The following MEF2C variants were observed in gnomAD, a reference collection of about 807,000 sequenced individuals.
The protein encoded by MEF2C is myocyte-specific enhancer factor 2C.
Under a neutral mutation model 50.5 loss-of-function variants are expected in MEF2C, and 6 were observed. The ratio of observed to expected loss-of-function variants is 0.12; its 90% CI spans 0.07 to 0.23. MEF2C has a LOEUF of 0.23. Among genes scored for constraint, MEF2C ranks in the 10% least tolerant of loss-of-function variants. The pLI is 1.00. For missense variants in MEF2C, 276 were observed against 605.0 expected (o/e 0.46, Z 5.70); for synonymous variants, 183 against 228.0 (o/e 0.80, Z 1.78).
At chr5:88,743,376 A>T (rs1464409336) in intron 6 of MEF2C, 2 of 985,316 alleles carry the variant, frequency 2.0e-6, no homozygotes, top group Non-Finnish European at 2.4e-6. Flanking sequence ...TAAGAAAGTC[A>T]GCCAAGAAAT....
At chr5:88,725,996 ATC>A (rs1758538678) in intron 10 of MEF2C, among the ~76,000 whole-genome samples, 1 of 152,154 alleles carries the variant, frequency 6.6e-6, no homozygotes, top group South Asian at 2.1e-4. Flanking sequence ...TCTGTCAGCC[ATC>A]TCTCTCCCTA....
intron 1 of MEF2C, among the ~76,000 whole-genome samples, chr5:88,879,185 A>G (rs957642217): frequency 6.6e-6 from 1 of 151,978 alleles, no homozygotes. Context: ...GTGAAACACT[A>G]GGAGGCATCA....
At chr5:88,802,985 A>G (rs1249925070) in intron 3 of MEF2C, among the ~76,000 whole-genome samples, 1 of 152,184 alleles carries the variant, frequency 6.6e-6, no homozygotes. Flanking sequence ...TTTTGTTATA[A>G]TGGTTTTAGT....
intron 1 of MEF2C, among the ~76,000 whole-genome samples, chr5:88,848,678 T>G (rs368471709): frequency 6.6e-6 from 1 of 152,138 alleles, no homozygotes; most frequent in Non-Finnish European, 1.5e-5. Flanking sequence ...GTAAAAAAAT[T>G]GACACTCCTG....
chr5:88,798,017 G>C (rs1480147140), intron 3 of MEF2C, among the ~76,000 whole-genome samples: 1 of 152,218 alleles, frequency 6.6e-6, no homozygotes, highest in African/African-American at 2.4e-5. Flanking sequence ...GAGATCTGCT[G>C]TTAGACTGAT....
In MEF2C at chr5:88,875,186, A is replaced by C. The variant is rs866541613; in HGVS notation, c.-143+7769T>G. Among the ~76,000 whole-genome samples the C allele has an allele frequency of 5.9e-5, 9 of 152,052 alleles. No homozygotes were observed. In the South Asian group the frequency reaches 1.2e-3, roughly 21 times the overall value. On this transcript the variant is annotated intron_variant, in intron 1 of 10. Transcript: ENST00000504921. ...AGGAATATTAGTGCAGATATTTAGAAGTCAATTTATTTTGCATGGTATTAT... is the reference window on the plus strand; with the variant it reads ...AGGAATATTAGTGCAGATATTTAGACGTCAATTTATTTTGCATGGTATTAT...
At chr5:88,847,399 A>T (rs1249033073) in intron 1 of MEF2C, among the ~76,000 whole-genome samples, 1 of 152,194 alleles carries the variant, frequency 6.6e-6, no homozygotes, top group African/African-American at 2.4e-5. Flanking sequence ...CCTAGTTTTG[A>T]GATTAGCAAT....
chr5:88,843,245 G>T (rs1272391037), intron 1 of MEF2C: 14 of 647,842 alleles, frequency 2.2e-5, no homozygotes, highest in South Asian at 6.9e-5. Flanking sequence ...AAAAAAAAAA[G>T]CATTTCTATT....
intron 1 of MEF2C, among the ~76,000 whole-genome samples, chr5:88,858,433 A>G (rs1334069029): frequency 1.3e-5 from 2 of 152,256 alleles, no homozygotes; most frequent in African/African-American, 4.8e-5. Context: ...CAAGTTAATC[A>G]TGGGCCTTGG....
At chr5:88,749,807 GAT>G (rs879534959) in intron 5 of MEF2C, among the ~76,000 whole-genome samples, 4 of 152,150 alleles carry the variant, frequency 2.6e-5, no homozygotes, top group Non-Finnish European at 4.4e-5. Context: ...CAGGTGGGCG[GAT>G]CACGAGGTCA....
At chr5:88,850,098 A>G (rs910360193) in intron 1 of MEF2C, among the ~76,000 whole-genome samples, 2 of 107,620 alleles carry the variant, frequency 1.9e-5, no homozygotes, top group Non-Finnish European at 4.1e-5. Flanking sequence ...CCCCAACCCC[A>G]TAACAGGCCC....
intron 1 of MEF2C, among the ~76,000 whole-genome samples, chr5:88,849,971 A>G (rs562716562): frequency 5.3e-5 from 8 of 152,342 alleles, no homozygotes; most frequent in East Asian, 1.9e-4. Flanking sequence ...GTTTTAGGGT[A>G]CATGTGCACA....
At chr5:88,753,748 T>C (rs951017681) in intron 4 of MEF2C, among the ~76,000 whole-genome samples, 1 of 152,194 alleles carries the variant, frequency 6.6e-6, no homozygotes, top group Admixed American at 6.5e-5. Flanking sequence ...AGTAATATGG[T>C]CAGTCTTTAT....
At chr5:88,891,720 A>G (rs952904442) in intron 1 of MEF2C, among the ~76,000 whole-genome samples, 2 of 152,152 alleles carry the variant, frequency 1.3e-5, no homozygotes, top group Non-Finnish European at 2.9e-5. Flanking sequence ...CAAACAAAAC[A>G]TTATTACAAA....
At chr5:88,843,078 C>T (rs1206252838) in intron 1 of MEF2C, among the ~76,000 whole-genome samples, 4 of 152,094 alleles carry the variant, frequency 2.6e-5, no homozygotes, top group Middle Eastern at 3.4e-3. Context: ...CTACAAAAGA[C>T]GGAGTTATTT....
chr5:88,803,530 T>C (rs1381877789), intron 3 of MEF2C, among the ~76,000 whole-genome samples: 2 of 152,186 alleles, frequency 1.3e-5, no homozygotes, highest in Non-Finnish European at 2.9e-5. Flanking sequence ...CTTGAGTACA[T>C]ACTTTTGAAA....
intron 6 of MEF2C, chr5:88,737,467 G>GT: frequency 1.0e-6 from 1 of 985,382 alleles, no homozygotes; most frequent in Non-Finnish European, 1.2e-6. Flanking sequence ...AAAATGAAAA[G>GT]TTGAAGTCTC....
At chr5:88,788,178 G>GTTTATTTA (rs70996495) in intron 3 of MEF2C, among the ~76,000 whole-genome samples, 18,175 of 89,026 alleles carry the variant, frequency 0.2, 1,276 homozygotes, top group Non-Finnish European at 0.28. Flanking sequence ...TTGTTTGTTT[G>GTTTATTTA]TTTATTTATT....
intron 6 of MEF2C, among the ~76,000 whole-genome samples, chr5:88,744,356 C>A (rs918522280): frequency 7.2e-5 from 11 of 152,168 alleles, no homozygotes; most frequent in East Asian, 3.9e-4. Context: ...GAGTTTGTGA[C>A]CAGCCTGGAC....
Sources: allele counts gnomAD v4.1 joint callset (sites outside exome capture counted in the v4.1 genomes callset), GRCh38; gene constraint gnomAD v4.1.1; transcripts MANE v1.5; gene names NCBI Gene and HGNC (gene_info 2026-07-23, HGNC 2026-07-21).